Variants in CTSC observed in about 807,000 individuals in gnomAD.
The protein encoded by CTSC is cathepsin C.
CTSC carries 37 observed loss-of-function variants against 40.9 expected under a neutral mutation model. That is an observed-to-expected ratio of 0.91 (90% CI 0.70 to 1.19). The LOEUF is 1.19. Among genes scored for constraint, CTSC ranks in the 50% most tolerant of loss-of-function variants. CTSC has a pLI of 0.00. For missense variants in CTSC, 594 were observed against 567.3 expected, an observed-to-expected ratio of 1.05 and a Z score of -0.48; for synonymous variants, 232 against 207.4, an observed-to-expected ratio of 1.12 and a Z score of -1.02.
intron 2 of CTSC, chr11:88,320,868 T>C (rs957854298): frequency 7.3e-6 from 6 of 827,506 alleles, no homozygotes; most frequent in Non-Finnish European, 8.7e-6. Context: ...TTATTGGTCA[T>C]ATATCGTGTA....
At chr11:88,298,246 T>G (rs1204485753) in intron 5 of CTSC, 1 of 152,110 alleles carries the variant, frequency 6.6e-6, no homozygotes, top group Non-Finnish European at 1.5e-5. Context: ...ACACTTCCCT[T>G]CTCTCTTAAA....
intron 4 of CTSC, among the ~76,000 whole-genome samples, chr11:88,301,944 G>A (rs1944369484): frequency 6.6e-6 from 1 of 151,926 alleles, no homozygotes; most frequent in Non-Finnish European, 1.5e-5. Context: ...GTAACCTCAA[G>A]TGCCTGTTGC....
intron 2 of CTSC, among the ~76,000 whole-genome samples, chr11:88,330,727 T>C (rs1938328806): frequency 1.3e-5 from 2 of 152,212 alleles, no homozygotes; most frequent in Non-Finnish European, 1.5e-5. Flanking sequence ...CAAACTTTTA[T>C]TCCTTCCAAA....
Position 88,294,301 on chromosome 11 carries a change from T to A in CTSC, c.1097A>T (p.His366Leu), listed in dbSNP as rs751798574. 1.9e-6 allele frequency: 3 copies of A among 1,614,010 alleles called. No homozygotes were observed. Among genetic ancestry groups the A allele is most frequent in the Non-Finnish European group, 2.5e-6 (3 of 1,180,042 alleles). ...AAAAGCAACTGCCATGGGCCCATGATGGACCAACTCAAGCTTCATCAGGGC... is the reference window on the plus strand; with the variant it reads ...AAAAGCAACTGCCATGGGCCCATGAAGGACCAACTCAAGCTTCATCAGGGC... ...NEALMKLELV[H>L]HGPMAVAFEV... Residue 366 changes from histidine (H) to leucine (L), a missense_variant, in exon 7 of 7, where the codon CAT becomes CTT. Coordinates refer to ENST00000227266, the MANE Select transcript of CTSC (RefSeq NM_001814.6).
chr11:88,294,126 AATCCAGTAATCCATCCC>A lies in CTSC; in HGVS notation c.1255_1271del (p.Gly419CysfsTer2), dbSNP rs941766105. The stretch of plus-strand genomic sequence containing the variant: ...AGCCGGTGCCCCAGCTGTTTTTAAC[AATCCAGTAATCCATCCC>A]AGAGGCTGAGTCAGTGCCATAGCCC... On this transcript the variant is annotated frameshift_variant, in exon 7 of 7. Coordinates refer to ENST00000227266, the MANE Select transcript of CTSC (RefSeq NM_001814.6). LOFTEE classifies it high-confidence loss of function. 2 of 1,613,872 alleles carry A rather than the reference AATCCAGTAATCCATCCC, an allele frequency of 1.2e-6. No individual in the cohort carries two copies. The highest frequency in any genetic ancestry group is 2.7e-5 in the African/African-American group (2 of 74,864).
At chr11:88,329,872 G>A (rs1021436234) in intron 2 of CTSC, among the ~76,000 whole-genome samples, 12 of 152,098 alleles carry the variant, frequency 7.9e-5, no homozygotes, top group Non-Finnish European at 1.5e-5. Flanking sequence ...GACTACAGGC[G>A]TGCGCTGCTA....
chr11:88,325,438 T>G (rs1356732054), intron 2 of CTSC: 1 of 985,296 alleles, frequency 1.0e-6, no homozygotes, highest in African/African-American at 1.7e-5. Context: ...CAGACTGGAA[T>G]TTACCAGGAA....
intron 2 of CTSC, chr11:88,325,594 A>AC (rs1938159942): frequency 1.0e-6 from 1 of 984,980 alleles, no homozygotes; most frequent in African/African-American, 1.7e-5. Flanking sequence ...TAAGAGATTA[A>AC]TTTTCTCTAT....
chr11:88,321,854 T>C (rs1369180207), intron 2 of CTSC: 1 of 152,196 alleles, frequency 6.6e-6, no homozygotes, highest in Non-Finnish European at 1.5e-5. Flanking sequence ...TCTTCCACAG[T>C]GGTTGAATTA....
At chr11:88,327,838 G>A (rs959580231) in intron 2 of CTSC, 19 of 449,994 alleles carry the variant, frequency 4.2e-5, no homozygotes, top group Non-Finnish European at 5.7e-5. Context: ...TACCCTTTTC[G>A]GTTCACGTCT....
intron 4 of CTSC, among the ~76,000 whole-genome samples, chr11:88,301,873 T>C (rs1032699981): frequency 3.3e-5 from 5 of 151,970 alleles, no homozygotes; most frequent in Non-Finnish European, 7.4e-5. Flanking sequence ...TTCGACTTCT[T>C]GGAGTTTCCC....
Position 88,337,033 on chromosome 11 carries a change from C to T in CTSC, c.172+468G>A, listed in dbSNP as rs189656448. Among the ~76,000 whole-genome samples, 153 of 134,756 alleles carry T rather than the reference C, an allele frequency of 1.1e-3. 1 individual carries two copies. Among genetic ancestry groups the T allele is most frequent in the South Asian group, 1.7e-3 (8 of 4,618 alleles). The allele number at this position is 134,756 out of a possible 152,430, so 88.4% of individuals were successfully genotyped here. A position where few individuals can be genotyped will look rare whatever the true frequency, so the allele number is the denominator to read the frequency against. ...CATCAACACCCGCTCAAACCAAAAT[C>T]GCTGGGCAGAAAGTCCCTTTCCCAC... On this transcript the variant is annotated intron_variant, in intron 1 of 6. Coordinates refer to ENST00000227266, the MANE Select transcript of CTSC (RefSeq NM_001814.6).
intron 3 of CTSC, 25 bp downstream of exon 3, chr11:88,312,363 G>A (rs369825511): frequency 2.2e-5 from 36 of 1,610,140 alleles, no homozygotes; most frequent in East Asian, 1.8e-4. Context: ...AAAACTAAAC[G>A]TATGTCTCAT....
chr11:88,315,553 T>C (rs1937856275), intron 2 of CTSC, among the ~76,000 whole-genome samples: 6 of 152,224 alleles, frequency 3.9e-5, no homozygotes, highest in Admixed American at 3.9e-4. Flanking sequence ...CATTCATTTA[T>C]ACATTGTCTA....
At chr11:88,325,497 T>A in intron 2 of CTSC, 3 of 985,444 alleles carry the variant, frequency 3.0e-6, no homozygotes, top group Non-Finnish European at 3.6e-6. Flanking sequence ...AAATGGCTTT[T>A]TTCACTATTT....
At chr11:88,332,849 A>G (rs1232041227) in intron 2 of CTSC, among the ~76,000 whole-genome samples, 2 of 152,236 alleles carry the variant, frequency 1.3e-5, no homozygotes, top group Non-Finnish European at 2.9e-5. Context: ...GATTCGATCA[A>G]TGCCATCCAG....
At position 88,334,962 on chromosome 11, in the gene CTSC, T is replaced by TCA. The variant is rs1287661346; in HGVS notation, c.291_292dup (p.Asp98ValfsTer18). ...CTTAAAAAAGGCAAACCACTTGTAGTCATTCAACACAATCTCAAAGCCTTG... is the reference window on the plus strand; with the variant it reads ...CTTAAAAAAGGCAAACCACTTGTAGTCACATTCAACACAATCTCAAAGCCTTG... On this transcript the variant is annotated frameshift_variant, in exon 2 of 7. Transcript: ENST00000227266. LOFTEE classifies it high-confidence loss of function. 6.2e-7 allele frequency: 1 copy of TCA among 1,612,928 alleles called. No homozygotes were observed.
Position 88,294,422 on chromosome 11 carries a change from C to T in CTSC, c.976G>A (p.Gly326Ser). 6.2e-7 allele frequency: 1 copy of T among 1,614,130 alleles called. No homozygotes were observed. The highest frequency in any genetic ancestry group is 8.5e-7 in the Non-Finnish European group (1 of 1,180,018). The change falls in exon 7 of 7, where the codon GGC (glycine) becomes AGC (serine). Residue 326 changes from glycine to serine, a missense_variant. By Grantham distance (56) the Gly-to-Ser change is moderately conservative. Coordinates refer to ENST00000227266, the MANE Select transcript of CTSC (RefSeq NM_001814.6). The part of the protein sequence containing the change: ...LVEEACFPYT[G>S]TDSPCKMKED... The stretch of plus-strand genomic sequence containing the variant: ...TTCATTTTGCATGGAGAATCAGTGC[C>T]TGTGTAGGGGAAGCAAGCTTCTTCC...
rs574005185 is a variant in CTSC, at chr11:88,334,804, A to C, written c.318+133T>G. Reference sequence around the variant, plus strand: ...TGGCAAAATTATACCAACTACTACTACTCTTGGGAAGAGTGGTGTCAATTC... The same window carrying C: ...TGGCAAAATTATACCAACTACTACTCCTCTTGGGAAGAGTGGTGTCAATTC... On this transcript the variant is annotated intron_variant, in intron 2 of 6. Transcript: ENST00000227266. The C allele has an allele frequency of 2.0e-5, 14 of 699,786 alleles. No homozygotes were observed. In the South Asian group the frequency reaches 2.1e-4, roughly 11 times the overall value. The allele number at this position is 699,786 out of a possible 1,614,324, so 43.3% of individuals were successfully genotyped here. A position where few individuals can be genotyped will look rare whatever the true frequency, so the allele number is the denominator to read the frequency against.
Sources: allele counts gnomAD v4.1 joint callset (sites outside exome capture counted in the v4.1 genomes callset), GRCh38; gene constraint gnomAD v4.1.1; transcripts MANE v1.5; gene names NCBI Gene and HGNC (gene_info 2026-07-23, HGNC 2026-07-21).